The following SEC24D variants were observed in gnomAD, a reference collection of about 807,000 sequenced individuals.
The protein encoded by SEC24D is protein transport protein Sec24D.
In SEC24D, 69 loss-of-function variants were observed where a neutral mutation model predicts 116.9. That is an observed-to-expected ratio of 0.59 (90% CI 0.49 to 0.72). SEC24D has a LOEUF of 0.72. SEC24D is among the 30% of genes least tolerant of loss of function. The pLI, the probability that SEC24D is intolerant of heterozygous loss-of-function variation, is 0.00. For synonymous variants in SEC24D, 405 were observed against 442.8 expected (o/e 0.91, Z 1.07); for missense variants, 1,131 against 1,264.1 (o/e 0.89, Z 1.60).
chr4:118,802,178 G>A (rs535436437), intron 7 of SEC24D, among the ~76,000 whole-genome samples: 3 of 152,284 alleles, frequency 2.0e-5, no homozygotes, highest in Admixed American at 6.5e-5. Flanking sequence ...TTGACCACAC[G>A]AAGGATGAGG....
chr4:118,762,989 G>T (rs1727461252), intron 10 of SEC24D, among the ~76,000 whole-genome samples: 1 of 152,180 alleles, frequency 6.6e-6, no homozygotes, highest in Admixed American at 6.6e-5. Flanking sequence ...AGCAGGGTTA[G>T]ATTTATACTA....
chr4:118,794,407 T>C (rs972195911), intron 8 of SEC24D, among the ~76,000 whole-genome samples: 4 of 152,204 alleles, frequency 2.6e-5, no homozygotes, highest in African/African-American at 9.6e-5. Flanking sequence ...GGGTTTTTGC[T>C]AGTAGATAAC....
At chr4:118,803,680 C>T (rs925678835) in intron 7 of SEC24D, among the ~76,000 whole-genome samples, 17 of 152,140 alleles carry the variant, frequency 1.1e-4, no homozygotes, top group Non-Finnish European at 2.4e-4. Flanking sequence ...AAGTTAAGAA[C>T]ACAGGCACTT....
intron 19 of SEC24D, chr4:118,733,124 C>T (rs1725779098): frequency 2.1e-6 from 1 of 475,976 alleles, no homozygotes; most frequent in Admixed American, 3.7e-5. Flanking sequence ...TCTAGTGCTA[C>T]AGCAGTCTGG....
At chr4:118,788,262 T>C (rs1414804345) in intron 8 of SEC24D, among the ~76,000 whole-genome samples, 1 of 152,258 alleles carries the variant, frequency 6.6e-6, no homozygotes, top group Non-Finnish European at 1.5e-5. Flanking sequence ...ATGGCATCTA[T>C]GGTGAATGTC....
chr4:118,749,238 C>G (rs974266790), intron 13 of SEC24D, among the ~76,000 whole-genome samples: 3 of 152,120 alleles, frequency 2.0e-5, no homozygotes, highest in Admixed American at 2.0e-4. Flanking sequence ...GCATTTACAA[C>G]AGAAAAGAGT....
At chr4:118,751,816 T>C (rs1450626478) in intron 13 of SEC24D, among the ~76,000 whole-genome samples, 180 bp downstream of exon 13, 1 of 152,214 alleles carries the variant, frequency 6.6e-6, no homozygotes, top group Non-Finnish European at 1.5e-5. Context: ...ATGGACACAC[T>C]GGGAGCAATC....
chr4:118,820,672 T>C (rs910671901), intron 3 of SEC24D, among the ~76,000 whole-genome samples: 1 of 149,304 alleles, frequency 6.7e-6, no homozygotes, highest in African/African-American at 2.4e-5. Context: ...TTTTTTTTTT[T>C]CGCTATAAAT....
intron 3 of SEC24D, among the ~76,000 whole-genome samples, chr4:118,823,391 T>TCC (rs1730477196): frequency 6.6e-6 from 1 of 152,202 alleles, no homozygotes; most frequent in East Asian, 1.9e-4. Flanking sequence ...AGAGGGAGTT[T>TCC]TCCTATTATG....
chr4:118,726,923 T>C (rs563739828), intron 22 of SEC24D, among the ~76,000 whole-genome samples: 1 of 152,366 alleles, frequency 6.6e-6, no homozygotes, highest in East Asian at 1.9e-4. Flanking sequence ...TACCAACTCT[T>C]TTCTCCTACC....
rs1319768578 is a variant in SEC24D, at chr4:118,740,960, C to T, written c.2073G>A (p.Met691Ile). 2 of 1,601,392 alleles carry T rather than the reference C, an allele frequency of 1.2e-6. No individual in the cohort carries two copies. The highest frequency in any genetic ancestry group is 1.7e-6 in the Non-Finnish European group (2 of 1,172,388). The stretch of plus-strand genomic sequence containing the variant: ...AATTACCTGTGCTGGTACGAACCCT[C>T]ATAATAGCATCAAAGCCTATTTTCT... Reference protein sequence around the residue: ...IEKKIGFDAIMRVRTSTGFRA... With the variant: ...IEKKIGFDAIIRVRTSTGFRA... Residue 691 changes from methionine (M) to isoleucine (I), a missense_variant, in exon 16 of 23, where the codon ATG (methionine) becomes ATA (isoleucine). Met to Ile is a conservative substitution (Grantham distance 10, BLOSUM62 1). Coordinates refer to ENST00000280551, the MANE Select transcript of SEC24D (RefSeq NM_014822.4).
chr4:118,825,796 A>G (rs932511931), intron 2 of SEC24D, among the ~76,000 whole-genome samples: 10 of 152,166 alleles, frequency 6.6e-5, no homozygotes, highest in East Asian at 1.9e-4. Flanking sequence ...AAGGTCATCA[A>G]TGACCACCTA....
intron 8 of SEC24D, among the ~76,000 whole-genome samples, chr4:118,782,278 T>C (rs1267259027): frequency 6.6e-6 from 1 of 152,202 alleles, no homozygotes; most frequent in African/African-American, 2.4e-5. Flanking sequence ...TTGGTGTGGA[T>C]GTCCTTTTTG....
chr4:118,723,796 C>T (rs1029518142), intron 22 of SEC24D, 141 bp from the exon 23 acceptor site: 6 of 914,064 alleles, frequency 6.6e-6, no homozygotes, highest in African/African-American at 3.4e-5. Context: ...TGGGAAAGTG[C>T]CTGATATCTA....
chr4:118,789,894 T>G (rs1390618621), intron 8 of SEC24D, among the ~76,000 whole-genome samples: 1 of 152,208 alleles, frequency 6.6e-6, no homozygotes, highest in Non-Finnish European at 1.5e-5. Flanking sequence ...TCAACAGCAT[T>G]TATTAACAGG....
At position 118,740,804 on chromosome 4, in the gene SEC24D, G is replaced by A. The variant is rs1560618500; in HGVS notation, c.2097C>T (p.Phe699=). 1 of 1,613,548 alleles carries A rather than the reference G, an allele frequency of 6.2e-7. No homozygotes were observed. The highest frequency in any genetic ancestry group is 8.5e-7 in the Non-Finnish European group (1 of 1,179,792). Reference sequence around the variant, plus strand: ...TTCCACCAAAGAAATCAGTGGCTCTGAAACCTAAAGATAAGGGAAAAAGGG... The same window carrying A: ...TTCCACCAAAGAAATCAGTGGCTCTAAAACCTAAAGATAAGGGAAAAAGGG... ...AIMRVRTSTG[F]RATDFFGGIL... is the part of the protein sequence containing the mutation. Residue 699 remains phenylalanine (F), a synonymous_variant, in exon 17 of 23, where the codon TTC becomes TTT. Transcript: ENST00000280551.
chr4:118,822,116 T>C (rs984864292), intron 3 of SEC24D, among the ~76,000 whole-genome samples: 7 of 152,198 alleles, frequency 4.6e-5, no homozygotes, highest in African/African-American at 7.2e-5. Context: ...GGAAATGATA[T>C]TGACAAATGC....
At chr4:118,815,795 A>C (rs1377835034) in intron 4 of SEC24D, 69 bp from the exon 5 acceptor site, 1 of 1,509,654 alleles carries the variant, frequency 6.6e-7, no homozygotes, top group Non-Finnish European at 9.0e-7. Flanking sequence ...TGCAAAGTAC[A>C]TGACAGAGAT....
At chr4:118,809,208 G>A (rs1729802153) in intron 6 of SEC24D, among the ~76,000 whole-genome samples, 3 of 151,960 alleles carry the variant, frequency 2.0e-5, no homozygotes, top group East Asian at 1.9e-4. Flanking sequence ...TCCTGACCTC[G>A]TGATCCGCCC....
Sources: allele counts gnomAD v4.1 joint callset (sites outside exome capture counted in the v4.1 genomes callset), GRCh38; gene constraint gnomAD v4.1.1; transcripts MANE v1.5; gene names NCBI Gene and HGNC (gene_info 2026-07-23, HGNC 2026-07-21).